Variants in PDE7A observed in about 807,000 individuals in gnomAD.
PDE7A encodes the protein phosphodiesterase 7A.
PDE7A carries 39 observed loss-of-function variants against 64.3 expected under a neutral mutation model. The ratio of observed to expected loss-of-function variants is 0.61; its 90% CI spans 0.47 to 0.79. The LOEUF is 0.79. Ranked by LOEUF, PDE7A falls within the 30% of genes least tolerant of loss-of-function variation. PDE7A has a pLI of 0.00. For missense variants in PDE7A, 470 were observed against 582.8 expected, an observed-to-expected ratio of 0.81 and a Z score of 1.99; for synonymous variants, 203 against 206.8, an observed-to-expected ratio of 0.98 and a Z score of 0.16.
intron 3 of PDE7A, among the ~76,000 whole-genome samples, chr8:65,755,466 A>T (rs916939668): frequency 6.6e-6 from 1 of 152,244 alleles, no homozygotes; most frequent in African/African-American, 2.4e-5. Flanking sequence ...AAACTTATAA[A>T]GACCTAGTTT....
intron 1 of PDE7A, among the ~76,000 whole-genome samples, chr8:65,836,240 T>C (rs988066035): frequency 6.6e-6 from 1 of 152,226 alleles, no homozygotes; most frequent in Non-Finnish European, 1.5e-5. Flanking sequence ...TGCACATTTA[T>C]ATACTGATGT....
intron 5 of PDE7A, 73 bp downstream of exon 5, chr8:65,745,334 C>T (rs1272972178): frequency 1.3e-5 from 11 of 865,908 alleles, no homozygotes; most frequent in Middle Eastern, 2.2e-4. Context: ...ATGAAAGCAA[C>T]GCACCAGCGG....
chr8:65,786,807 C>A lies in PDE7A; in HGVS notation c.139-3964G>T, dbSNP rs545156768. On this transcript the variant is annotated intron_variant, in intron 1 of 12. Transcript: ENST00000401827. ...TTTTCTAATTTAGCCATCCTGGGAA[C>A]AGCTTGTAAAGCGAACTAGTATAGG... 7.2e-5 allele frequency among the ~76,000 whole-genome samples: 11 copies of A among 152,280 alleles called. No individual in the cohort carries two copies. The East Asian group carries it at 2.1e-3, about 29-fold the overall frequency.
At chr8:65,745,268 G>A (rs1807622397) in intron 5 of PDE7A, 139 bp downstream of exon 5, 3 of 650,684 alleles carry the variant, frequency 4.6e-6, no homozygotes, top group Non-Finnish European at 8.4e-6. Context: ...TCAGCAGTGT[G>A]AAAATGGACT....
At chr8:65,783,104 A>G (rs952996314) in intron 1 of PDE7A, among the ~76,000 whole-genome samples, 11 of 152,194 alleles carry the variant, frequency 7.2e-5, no homozygotes, top group Non-Finnish European at 2.9e-5. Flanking sequence ...TGGAAATTTA[A>G]TCTGTTTGAG....
rs191019855 is a variant in PDE7A at position 65,740,521 on chromosome 8, C to T, written c.500-924G>A. On this transcript the variant is annotated intron_variant, in intron 5 of 12. Coordinates refer to ENST00000401827, the MANE Select transcript of PDE7A (RefSeq NM_001242318.3). The stretch of plus-strand genomic sequence containing the variant: ...GTTCAAGCGATTCTCCTGCCTCAGC[C>T]TCCCGAGTAGCAGGGAGTACAGGCA... Among the ~76,000 whole-genome samples the T allele has an allele frequency of 7.8e-4, 119 of 152,278 alleles. 1 individual carries two copies. Among genetic ancestry groups the T allele is most frequent in the Admixed American group, 2.9e-3 (45 of 15,290 alleles).
At position 65,718,798 on chromosome 8, in the gene PDE7A, C is replaced by T. The variant is rs1245922603; in HGVS notation, c.*492G>A. 1 of 158,144 alleles carries T rather than the reference C, an allele frequency of 6.3e-6. No individual in the cohort carries two copies. Among genetic ancestry groups the T allele is most frequent in the Non-Finnish European group, 1.4e-5 (1 of 71,236 alleles). The allele number at this position is 158,144 out of a possible 1,614,324, so 9.8% of individuals were successfully genotyped here. Reference sequence around the variant, plus strand: ...AATCATGCTCCAAGGCAATTTAGAACCAATATTTTCAGAGTTGATTTGTAA... The same window carrying T: ...AATCATGCTCCAAGGCAATTTAGAATCAATATTTTCAGAGTTGATTTGTAA... On this transcript the variant is annotated 3_prime_UTR_variant, in exon 13 of 13. Transcript: ENST00000401827.
intron 1 of PDE7A, among the ~76,000 whole-genome samples, chr8:65,792,159 G>C (rs1809718136): frequency 6.6e-6 from 1 of 152,058 alleles, no homozygotes; most frequent in African/African-American, 2.4e-5. Flanking sequence ...TTTCGTAGTT[G>C]TCTCATATCC....
intron 1 of PDE7A, among the ~76,000 whole-genome samples, chr8:65,793,403 A>T (rs907607170): frequency 1.3e-5 from 2 of 152,158 alleles, no homozygotes; most frequent in Non-Finnish European, 2.9e-5. Flanking sequence ...AATTTCAAAA[A>T]TTTAAAAAAA....
At chr8:65,797,571 G>C (rs1195966120) in intron 1 of PDE7A, among the ~76,000 whole-genome samples, 1 of 152,186 alleles carries the variant, frequency 6.6e-6, no homozygotes, top group African/African-American at 2.4e-5. Flanking sequence ...AAGCCACCGA[G>C]GTTTTGATAC....
rs1247044886 is a variant in PDE7A, at chr8:65,840,439, A to G, written c.138+932T>C. Among the ~76,000 whole-genome samples, 3 of 148,540 alleles carry G rather than the reference A, an allele frequency of 2.0e-5. No homozygotes were observed. The East Asian group carries it at 5.8e-4, about 29-fold the overall frequency. ...ACACACACACACACACACCTTGCTC[A>G]AGATACAATATAACTGGAGAGAGAA... On this transcript the variant is annotated intron_variant, in intron 1 of 12. Transcript: ENST00000401827.
intron 1 of PDE7A, among the ~76,000 whole-genome samples, chr8:65,803,821 G>T (rs943101301): frequency 2.6e-5 from 4 of 152,076 alleles, no homozygotes; most frequent in African/African-American, 9.7e-5. Context: ...TGAAGCTCCT[G>T]TCAATTCCCA....
At chr8:65,821,106 A>T (rs560764391) in intron 1 of PDE7A, among the ~76,000 whole-genome samples, 17 of 152,354 alleles carry the variant, frequency 1.1e-4, no homozygotes, top group Admixed American at 5.9e-4. Context: ...GGCACTAGCT[A>T]GTAGCCTTAA....
intron 1 of PDE7A, among the ~76,000 whole-genome samples, chr8:65,786,580 C>T (rs987687214): frequency 2.6e-5 from 4 of 152,192 alleles, no homozygotes; most frequent in African/African-American, 7.2e-5. Context: ...TATAAGACTG[C>T]TGCAAATGTA....
chr8:65,837,179 A>G (rs1369104818), intron 1 of PDE7A, among the ~76,000 whole-genome samples: 2 of 152,230 alleles, frequency 1.3e-5, no homozygotes, highest in African/African-American at 2.4e-5. Flanking sequence ...TCGCACTCAC[A>G]GGACCTGGAT....
intron 1 of PDE7A, among the ~76,000 whole-genome samples, chr8:65,840,053 C>A (rs1470531434): frequency 2.0e-5 from 3 of 152,174 alleles, no homozygotes; most frequent in Admixed American, 6.5e-5. Context: ...TAAAAACCTT[C>A]TTCAGCAGTG....
At chr8:65,751,199 C>T (rs78843427) in intron 3 of PDE7A, among the ~76,000 whole-genome samples, 5,972 of 152,246 alleles carry the variant, frequency 0.039, 171 homozygotes, top group Non-Finnish European at 0.06. Context: ...GAAAATCCCA[C>T]GAGACTTTGC....
At chr8:65,731,964 C>T (rs1806906480) in intron 7 of PDE7A, among the ~76,000 whole-genome samples, 3 of 150,980 alleles carry the variant, frequency 2.0e-5, no homozygotes, top group East Asian at 3.9e-4. Context: ...TGGTCATTCT[C>T]TATATTATTA....
chr8:65,740,714 T>C (rs1807385797), intron 5 of PDE7A, among the ~76,000 whole-genome samples: 1 of 152,218 alleles, frequency 6.6e-6, no homozygotes, highest in South Asian at 2.1e-4. Context: ...TTTCCCTTTC[T>C]TTCAAAAGCC....
Sources: allele counts gnomAD v4.1 joint callset (sites outside exome capture counted in the v4.1 genomes callset), GRCh38; gene constraint gnomAD v4.1.1; transcripts MANE v1.5; gene names NCBI Gene and HGNC (gene_info 2026-07-23, HGNC 2026-07-21).